The following BRAF variants were observed in gnomAD, a reference collection of about 807,000 sequenced individuals.
BRAF encodes serine/threonine-protein kinase B-raf.
In BRAF, 16 loss-of-function variants were observed where a neutral mutation model predicts 104.6. The ratio of observed to expected loss-of-function variants is 0.15; its 90% CI spans 0.10 to 0.23. The LOEUF (loss-of-function observed/expected upper bound fraction) is 0.23, where lower values mean the gene tolerates loss of function less well. BRAF is among the 10% of genes least tolerant of loss of function. BRAF has a pLI of 1.00. For synonymous variants in BRAF, 310 were observed against 341.6 expected, an observed-to-expected ratio of 0.91 and a Z score of 1.02; for missense variants, 541 against 937.3, an observed-to-expected ratio of 0.58 and a Z score of 5.52.
At chr7:140,747,034 C>A (rs1037845672) in intron 17 of BRAF, among the ~76,000 whole-genome samples, 14 of 152,018 alleles carry the variant, frequency 9.2e-5, no homozygotes, top group African/African-American at 3.4e-4. Context: ...AAAGAATATT[C>A]CTGGATTCTT....
intron 1 of BRAF, among the ~76,000 whole-genome samples, chr7:140,893,979 A>G (rs1033536259): frequency 1.3e-5 from 2 of 152,122 alleles, no homozygotes; most frequent in Non-Finnish European, 2.9e-5. Flanking sequence ...AAAAAAATGC[A>G]AAAAATTAGC....
intron 17 of BRAF, among the ~76,000 whole-genome samples, chr7:140,745,128 G>A (rs750018478): frequency 2.0e-5 from 3 of 151,826 alleles, no homozygotes; most frequent in South Asian, 2.1e-4. Context: ...GCATAAAATC[G>A]GTATGGTTTT....
At chr7:140,815,545 T>C (rs1804788367) in intron 3 of BRAF, among the ~76,000 whole-genome samples, 1 of 151,222 alleles carries the variant, frequency 6.6e-6, no homozygotes, top group African/African-American at 2.4e-5. Context: ...GGGATTCTCA[T>C]GCCTCAGCTT....
chr7:140,884,426 G>GAT (rs200281096), intron 1 of BRAF, among the ~76,000 whole-genome samples: 2 of 104,578 alleles, frequency 1.9e-5, no homozygotes, highest in Non-Finnish European at 4.0e-5. Flanking sequence ...ATATATATAA[G>GAT]ATATGTGTGT....
chr7:140,866,684 GTTCT>G (rs1338506300), intron 1 of BRAF, among the ~76,000 whole-genome samples: 1 of 152,012 alleles, frequency 6.6e-6, no homozygotes, highest in Admixed American at 6.6e-5. Flanking sequence ...TTATATTTTT[GTTCT>G]TTCTCAACTG....
intron 17 of BRAF, among the ~76,000 whole-genome samples, chr7:140,745,129 G>C (rs1453645563): frequency 2.0e-5 from 3 of 152,068 alleles, no homozygotes; most frequent in African/African-American, 7.2e-5. Flanking sequence ...CATAAAATCG[G>C]TATGGTTTTT....
chr7:140,868,607 G>T (rs964814713), intron 1 of BRAF, among the ~76,000 whole-genome samples: 2 of 151,946 alleles, frequency 1.3e-5, no homozygotes, highest in Non-Finnish European at 1.5e-5. Flanking sequence ...AAGGGTGTGG[G>T]GTTTCTTTTA....
Position 140,767,831 on chromosome 7 carries a change from T to C in BRAF, c.1814+9081A>G, listed in dbSNP as rs1209290463. Reference sequence around the variant, plus strand: ...CATAAAACAAGGATATAATAAAAGCTGCAACCTCACAGGGTTGTTGAGGAG... The same window carrying C: ...CATAAAACAAGGATATAATAAAAGCCGCAACCTCACAGGGTTGTTGAGGAG... On this transcript the variant is annotated intron_variant, in intron 14 of 19. Transcript: ENST00000644969. 2.6e-5 allele frequency among the ~76,000 whole-genome samples: 4 copies of C among 152,318 alleles called. No individual in the cohort carries two copies. In the East Asian group the frequency reaches 7.7e-4, roughly 29 times the overall value.
In BRAF at chr7:140,724,991, T is replaced by C. The variant is rs1795521476; in HGVS notation, c.*1503A>G. The C allele has an allele frequency of 2.6e-5, 27 of 1,045,510 alleles. No homozygotes were observed. The highest frequency in any genetic ancestry group is 3.0e-5 in the Non-Finnish European group (26 of 866,826). The allele number at this position is 1,045,510 out of a possible 1,614,324, so 64.8% of individuals were successfully genotyped here. A position where few individuals can be genotyped will look rare whatever the true frequency, so the allele number is the denominator to read the frequency against. ...TTAGGTTCTTAATGAATGCCAGTTC[T>C]TTCTATAAAAACAACTGATGACAGC... is the stretch of plus-strand genomic sequence containing the variant. On this transcript the variant is annotated 3_prime_UTR_variant, in exon 20 of 20. Transcript: ENST00000644969.
At chr7:140,829,874 G>A (rs1471645560) in intron 3 of BRAF, among the ~76,000 whole-genome samples, 1 of 152,136 alleles carries the variant, frequency 6.6e-6, no homozygotes, top group Non-Finnish European at 1.5e-5. Context: ...TTATGTCTGT[G>A]AATACATCTT....
intron 17 of BRAF, among the ~76,000 whole-genome samples, chr7:140,744,305 A>C (rs980875433): frequency 1.3e-5 from 2 of 152,224 alleles, no homozygotes; most frequent in African/African-American, 4.8e-5. Flanking sequence ...GGTTGGCAAT[A>C]ATCCATGTGT....
chr7:140,865,079 AAT>A (rs1810804738), intron 1 of BRAF, among the ~76,000 whole-genome samples: 1 of 142,282 alleles, frequency 7.0e-6, no homozygotes, highest in African/African-American at 3.0e-5. Flanking sequence ...GGAGGAAATG[AAT>A]TTTTTTTTTT....
intron 3 of BRAF, among the ~76,000 whole-genome samples, chr7:140,816,570 CT>C (rs1324333929): frequency 6.6e-6 from 1 of 152,110 alleles, no homozygotes. Flanking sequence ...ATTGCCCTAT[CT>C]TTTCCCTTTG....
At chr7:140,871,214 T>C (rs1376192067) in intron 1 of BRAF, among the ~76,000 whole-genome samples, 1 of 118,446 alleles carries the variant, frequency 8.4e-6, no homozygotes, top group Non-Finnish European at 1.6e-5. Flanking sequence ...TACTCCAGCC[T>C]GGGGGACAGA....
chr7:140,887,572 C>G (rs1032034803), intron 1 of BRAF, among the ~76,000 whole-genome samples: 21 of 151,754 alleles, frequency 1.4e-4, no homozygotes, highest in Non-Finnish European at 2.9e-4. Context: ...CAATAAGTTA[C>G]AATGTGATGG....
intron 17 of BRAF, among the ~76,000 whole-genome samples, chr7:140,742,876 G>GT (rs1554390822): frequency 6.6e-6 from 1 of 150,730 alleles, no homozygotes; most frequent in African/African-American, 2.4e-5. Flanking sequence ...AAATTTACAA[G>GT]AAAAAAACAA....
intron 11 of BRAF, among the ~76,000 whole-genome samples, chr7:140,781,928 A>C (rs1308621073): frequency 4.6e-5 from 7 of 152,168 alleles, no homozygotes; most frequent in Non-Finnish European, 8.8e-5. Flanking sequence ...ATTTTATTAT[A>C]CTTTAAGTTC....
chr7:140,897,995 T>C (rs1164367637), intron 1 of BRAF, among the ~76,000 whole-genome samples: 1 of 151,542 alleles, frequency 6.6e-6, no homozygotes, highest in Admixed American at 6.6e-5. Flanking sequence ...AAGCCAGGAG[T>C]CGAGACCAGC....
At chr7:140,715,568 GAT>G (rs1382694236), downstream of BRAF, among the ~76,000 whole-genome samples, 1 of 152,086 alleles carries the variant, frequency 6.6e-6, no homozygotes, top group Non-Finnish European at 1.5e-5. Flanking sequence ...TGATTTAAAA[GAT>G]AACTTTAAAA....
Sources: allele counts gnomAD v4.1 joint callset (sites outside exome capture counted in the v4.1 genomes callset), GRCh38; gene constraint gnomAD v4.1.1; transcripts MANE v1.5; gene names NCBI Gene and HGNC (gene_info 2026-07-23, HGNC 2026-07-21).